LRRC46: variants seen among roughly 807,000 people sequenced by gnomAD.
LRRC46 encodes leucine-rich repeat-containing protein 46.
LRRC46 carries 20 observed loss-of-function variants against 28.0 expected under a neutral mutation model. The observed-to-expected ratio is 0.71, with a 90% CI of 0.50 to 1.04. LRRC46 has a LOEUF of 1.04. Ranked by LOEUF, LRRC46 falls within the 50% of genes least tolerant of loss-of-function variation. The pLI is 0.00. For missense variants in LRRC46, 315 were observed against 390.1 expected (o/e 0.81, Z 1.62); for synonymous variants, 156 against 158.8 (o/e 0.98, Z 0.13).
rs914399374 is a variant in LRRC46 at position 47,837,284 on chromosome 17, C to A, written c.*164C>A. 8 of 938,386 alleles carry A rather than the reference C, an allele frequency of 8.5e-6. No individual in the cohort carries two copies. The Admixed American group carries it at 2.0e-4, about 24-fold the overall frequency. The allele number at this position is 938,386 out of a possible 1,614,324, so 58.1% of individuals were successfully genotyped here. A position where few individuals can be genotyped will look rare whatever the true frequency, so the allele number is the denominator to read the frequency against. On this transcript the variant is annotated 3_prime_UTR_variant, in exon 8 of 8. Transcript: ENST00000269025. ...TCAGGGGAAGAAACCAGTGAAAGCT[C>A]CAGGAAACAAAATACAGAGCTCAGT...
rs1385208917 is a variant in LRRC46 at position 47,837,341 on chromosome 17, A to G, written c.*221A>G. ...CCTGATTCTAAAGAGCGAGTCTGGAATCTTTCGGGAGCTACCCACAGGGCA... is the reference window on the plus strand; with the variant it reads ...CCTGATTCTAAAGAGCGAGTCTGGAGTCTTTCGGGAGCTACCCACAGGGCA... On this transcript the variant is annotated 3_prime_UTR_variant, in exon 8 of 8. Transcript: ENST00000269025. 1.3e-5 allele frequency: 8 copies of G among 608,520 alleles called. No homozygotes were observed. The highest frequency in any genetic ancestry group is 2.5e-5 in the South Asian group (1 of 40,492). 37.7% of individuals were successfully genotyped at this position (608,520 alleles called of 1,614,324 possible).
chr17:47,836,363 C>G lies in LRRC46; in HGVS notation c.483C>G (p.Leu161=). ...TGGTGACAGAAGCCCTGCCACTTCT[C>G]CTGGACCTGGACGGGCAGCCTGTGG... is the stretch of plus-strand genomic sequence containing the variant. ...RELVTEALPL[L]LDLDGQPVVE... The change falls in exon 7 of 8, where the codon CTC becomes CTG. Residue 161 remains leucine, a synonymous_variant. Transcript: ENST00000269025. The surrounding 1 kb of genome is among the most constrained non-coding windows in gnomAD (Gnocchi z 5.8). 1 of 1,614,092 alleles carries G rather than the reference C, an allele frequency of 6.2e-7. No homozygotes were observed. The highest frequency in any genetic ancestry group is 2.2e-5 in the East Asian group (1 of 44,880).
rs999198101 is a variant in LRRC46 at position 47,835,746 on chromosome 17, C to T, written c.353C>T (p.Ser118Phe). 7 of 1,614,072 alleles carry T rather than the reference C, an allele frequency of 4.3e-6. No individual in the cohort carries two copies. The highest frequency in any genetic ancestry group is 1.7e-5 in the Admixed American group (1 of 60,012). ...CCATGCCTCCAGTTTCTGGACCTTT[C>T]TGAGAACCTGATAGAAACATTGAAG... is the stretch of plus-strand genomic sequence containing the variant. Reference protein sequence around the residue: ...DLPCLQFLDLSENLIETLKLD... With the variant: ...DLPCLQFLDLFENLIETLKLD... Residue 118 changes from serine to phenylalanine, a missense_variant, in exon 5 of 8, where the codon TCT (serine) becomes TTT (phenylalanine). Transcript: ENST00000269025.
Position 47,832,148 on chromosome 17 carries a change from C to G in LRRC46, c.59C>G (p.Ala20Gly). The change falls in exon 2 of 8, where the codon GCC (alanine) becomes GGC (glycine). Residue 20 changes from alanine (A) to glycine (G), a missense_variant. By Grantham distance (60) the Ala-to-Gly change is moderately conservative. Transcript: ENST00000269025. ...GAAGGGGGCGTCTGCATCACTGAAG[C>G]CCTTATCACTAAGCGGAACTTGACT... The part of the protein sequence containing the change: ...PEEGGVCITE[A>G]LITKRNLTFP... 2 of 1,606,810 alleles carry G rather than the reference C, an allele frequency of 1.2e-6. No individual in the cohort carries two copies. The highest frequency in any genetic ancestry group is 2.2e-5 in the South Asian group (2 of 90,442).
Position 47,836,428 on chromosome 17 carries a change from G to A in LRRC46, c.548G>A (p.Ser183Asn), listed in dbSNP as rs574769677. The change falls in exon 7 of 8, where the codon AGC becomes AAC. Residue 183 changes from serine to asparagine, a missense_variant. By Grantham distance (46) the Ser-to-Asn change is conservative. Transcript: ENST00000269025. The surrounding 1 kb of genome is among the most constrained non-coding windows in gnomAD (Gnocchi z 5.8). ...WISDEEDEAS[S>N]DEEFPELSGP... ...TCGGATGAGGAGGATGAAGCCTCAA[G>A]CGATGAGGAGTTCCCAGAGCTGAGT... is the stretch of plus-strand genomic sequence containing the variant. 87 of 1,614,174 alleles carry A rather than the reference G, an allele frequency of 5.4e-5. No homozygotes were observed. The highest frequency in any genetic ancestry group is 4.4e-4 in the South Asian group (40 of 91,084).
chr17:47,832,263 G>A, intron 2 of LRRC46, 58 bp downstream of exon 2: 3 of 1,271,550 alleles, frequency 2.4e-6, no homozygotes, highest in Middle Eastern at 2.7e-4. Context: ...GGATGACCAG[G>A]TCCCTGACGT....
At position 47,837,469 on chromosome 17, in the gene LRRC46, T is replaced by G; in HGVS notation, c.*349T>G. Reference sequence around the variant, plus strand: ...CCATCTCACTGCCACCCCTAGCGAGTGCCCTTCCCCGGTCCAAGCCAAGGA... The same window carrying G: ...CCATCTCACTGCCACCCCTAGCGAGGGCCCTTCCCCGGTCCAAGCCAAGGA... On this transcript the variant is annotated 3_prime_UTR_variant, in exon 8 of 8. Transcript: ENST00000269025. 2.5e-6 allele frequency: 1 copy of G among 399,264 alleles called. No homozygotes were observed. Among genetic ancestry groups the G allele is most frequent in the Non-Finnish European group, 4.5e-6 (1 of 223,242 alleles). The allele number at this position is 399,264 out of a possible 1,614,324, so 24.7% of individuals were successfully genotyped here.
chr17:47,833,166 C>T (rs1428838371), intron 2 of LRRC46, among the ~76,000 whole-genome samples: 2 of 152,032 alleles, frequency 1.3e-5, no homozygotes, highest in Admixed American at 6.6e-5. Context: ...ATGCCTTCTC[C>T]CCATATCCCC....
At chr17:47,835,798 T>C (rs764441313) in intron 5 of LRRC46, 23 bp downstream of exon 5, 2 of 1,596,562 alleles carry the variant, frequency 1.3e-6, no homozygotes, top group South Asian at 2.2e-5. Context: ...TCGCCCTGGC[T>C]CACCAAACAC....
In LRRC46 at chr17:47,831,856, C is replaced by T; in HGVS notation, c.-134C>T. Reference sequence around the variant, plus strand: ...CCCAGCAATTTTCTCTGAATCAACCCCCTTTCCTCCTCTCCTAAGTCTCTG... The same window carrying T: ...CCCAGCAATTTTCTCTGAATCAACCTCCTTTCCTCCTCTCCTAAGTCTCTG... On this transcript the variant is annotated 5_prime_UTR_variant, in exon 1 of 8. Transcript: ENST00000269025. The T allele has an allele frequency of 8.6e-7, 1 of 1,168,080 alleles. No individual in the cohort carries two copies. The highest frequency in any genetic ancestry group is 1.4e-5 in the South Asian group (1 of 72,860). The allele number at this position is 1,168,080 out of a possible 1,614,324, so 72.4% of individuals were successfully genotyped here.
chr17:47,836,170 C>G lies in LRRC46; in HGVS notation c.452+68C>G. ...ACCTGCTAACTCAGCCCAGACCCCT[C>G]TCAGCCTGCAAACCTGGGGTCCTGT... On this transcript the variant is annotated intron_variant, in intron 6 of 7. Coordinates refer to ENST00000269025, the MANE Select transcript of LRRC46 (RefSeq NM_033413.4). The surrounding 1 kb of genome is among the most constrained non-coding windows in gnomAD (Gnocchi z 5.8). The G allele has an allele frequency of 6.3e-7, 1 of 1,592,930 alleles. No homozygotes were observed. Among genetic ancestry groups the G allele is most frequent in the Non-Finnish European group, 8.6e-7 (1 of 1,161,192 alleles).
At position 47,834,505 on chromosome 17, in the gene LRRC46, A is replaced by G. The variant is rs756629204; in HGVS notation, c.197A>G (p.Gln66Arg). Residue 66 changes from glutamine to arginine, a missense_variant, in exon 3 of 8, where the codon CAG becomes CGG. By Grantham distance (43) the Gln-to-Arg change is conservative. Coordinates refer to ENST00000269025, the MANE Select transcript of LRRC46 (RefSeq NM_033413.4). ...ITTIRNLEGL[Q>R]NLHSLYLQGN... ...ACTATCAGGAACTTAGAAGGCCTCC[A>G]GAATCTTCACAGTCTCTATCTGCAA... 1 of 1,612,962 alleles carries G rather than the reference A, an allele frequency of 6.2e-7. No individual in the cohort carries two copies. Among genetic ancestry groups the G allele is most frequent in the Non-Finnish European group, 8.5e-7 (1 of 1,179,028 alleles).
chr17:47,837,114 G>T lies in LRRC46; in HGVS notation c.960G>T (p.Lys320Asn). Residue 320 changes from lysine to asparagine, a missense_variant, in exon 8 of 8, where the codon AAG (lysine) becomes AAT (asparagine). Coordinates refer to ENST00000269025, the MANE Select transcript of LRRC46 (RefSeq NM_033413.4). Reference protein sequence around the residue: ...STTKTTAKRSKK With the variant: ...STTKTTAKRSNK ...CCAAAACTACGGCCAAGAGAAGCAA[G>T]AAATGATTCTCTGTCAACCTTTCTC... 1 of 1,604,120 alleles carries T rather than the reference G, an allele frequency of 6.2e-7. No individual in the cohort carries two copies. The highest frequency in any genetic ancestry group is 8.5e-7 in the Non-Finnish European group (1 of 1,177,696).
chr17:47,832,456 G>C (rs2033646160), intron 2 of LRRC46, among the ~76,000 whole-genome samples: 1 of 152,208 alleles, frequency 6.6e-6, no homozygotes, highest in Non-Finnish European at 1.5e-5. Flanking sequence ...GGGAGGCTGA[G>C]GCAGGAGGAT....
rs756744435 is a variant in LRRC46, at chr17:47,835,334, C to G, written c.226-19C>G. On this transcript the variant is annotated intron_variant, in intron 3 of 7. Coordinates refer to ENST00000269025, the MANE Select transcript of LRRC46 (RefSeq NM_033413.4). ...ATCTGATCTCAGCTTGGTTTCCCCA[C>G]TTCGGTTTCTTCTTGCAGAATAAGA... The G allele has an allele frequency of 6.2e-6, 10 of 1,614,046 alleles. No individual in the cohort carries two copies. In the Admixed American group the frequency reaches 1.3e-4, roughly 22 times the overall value.
rs1225304288 is a variant in LRRC46, at chr17:47,836,887, G to T, written c.733G>T (p.Ala245Ser). ...GCCCCTGCTACCTGGGGTGCCCATG[G>T]CTGGGGACAGCAGCCCTTCTGCCAC... ...DLPLLPGVPM[A>S]GDSSPSATPA... is the part of the protein sequence containing the mutation. Residue 245 changes from alanine to serine, a missense_variant, in exon 8 of 8, where the codon GCT becomes TCT. By Grantham distance (99) the Ala-to-Ser change is moderately conservative. Transcript: ENST00000269025. This position sits in a 1 kb window ranked among gnomAD's most constrained non-coding sequence, Gnocchi z 5.8. 4.6e-5 allele frequency: 75 copies of T among 1,613,786 alleles called. No individual in the cohort carries two copies. Among genetic ancestry groups the T allele is most frequent in the Non-Finnish European group, 6.2e-5 (73 of 1,179,980 alleles).
In LRRC46 at chr17:47,836,958, C is replaced by T. The variant is rs770904653; in HGVS notation, c.804C>T (p.Pro268=). Residue 268 remains proline (P), a synonymous_variant, in exon 8 of 8, where the codon CCC becomes CCT. Transcript: ENST00000269025. The surrounding 1 kb of genome is among the most constrained non-coding windows in gnomAD (Gnocchi z 5.8). ...EETVPEAVSS[P]QASSPTKKPC... ...CAGTCCCTGAGGCCGTCTCCTCACC[C>T]CAGGCCTCCTCTCCCACCAAGAAAC... The T allele has an allele frequency of 5.6e-6, 9 of 1,613,858 alleles. No individual in the cohort carries two copies. Among genetic ancestry groups the T allele is most frequent in the Non-Finnish European group, 7.6e-6 (9 of 1,179,932 alleles).
At chr17:47,835,187 ATCTT>A in intron 3 of LRRC46, 162 bp from the exon 4 acceptor site, 1 of 757,792 alleles carries the variant, frequency 1.3e-6, no homozygotes, top group Non-Finnish European at 2.4e-6. Context: ...AAAGAAAATC[ATCTT>A]TCTTAAGGTA....
Position 47,834,480 on chromosome 17 carries a change from A to G in LRRC46, c.172A>G (p.Thr58Ala). 1 of 1,613,748 alleles carries G rather than the reference A, an allele frequency of 6.2e-7. No homozygotes were observed. The highest frequency in any genetic ancestry group is 8.5e-7 in the Non-Finnish European group (1 of 1,179,852). The stretch of plus-strand genomic sequence containing the variant: ...CCGCCTGGACCGGGAGGGGATTACT[A>G]CTATCAGGAACTTAGAAGGCCTCCA... ...TVRLDREGIT[T>A]IRNLEGLQNL... Residue 58 changes from threonine to alanine, a missense_variant, in exon 3 of 8, where the codon ACT (threonine) becomes GCT (alanine). Thr to Ala is a moderately conservative substitution (Grantham distance 58). Transcript: ENST00000269025.
Sources: gnomAD v4.1 joint callset for allele counts (sites outside exome capture counted in the v4.1 genomes callset) on GRCh38, gnomAD v4.1.1 for gene constraint, Gnocchi (gnomAD v3.1) non-coding constraint, MANE v1.5 for transcripts, NCBI Gene and HGNC (gene_info 2026-07-23, HGNC 2026-07-21) for gene names.